Variants in SH3RF3 observed in about 807,000 individuals in gnomAD.
SH3RF3 encodes SH3 domain containing ring finger 3.
SH3RF3 carries 29 observed loss-of-function variants against 66.3 expected under a neutral mutation model. The ratio of observed to expected loss-of-function variants is 0.44; its 90% confidence interval spans 0.33 to 0.60. The LOEUF (loss-of-function observed/expected upper bound fraction) is 0.60. SH3RF3 is among the 20% of genes least tolerant of loss of function. The probability of loss-of-function intolerance (pLI) is 0.04; values close to 1 mark genes in which losing one functional copy is unlikely to be tolerated. For missense variants in SH3RF3, 1,194 were observed against 1,190.9 expected (o/e 1.00, Z -0.04); for synonymous variants, 583 against 532.0 (o/e 1.10, Z -1.32).
chr2:109,134,004 A>G (rs755863729), intron 1 of SH3RF3, among the ~76,000 whole-genome samples: 8 of 152,158 alleles, frequency 5.3e-5, no homozygotes, highest in Non-Finnish European at 7.3e-5. Context: ...GAGGGTGTCT[A>G]TGGTATCTGG....
At chr2:109,278,525 C>T (rs1464976850) in intron 1 of SH3RF3, among the ~76,000 whole-genome samples, 1 of 152,194 alleles carries the variant, frequency 6.6e-6, no homozygotes, top group East Asian at 1.9e-4. Flanking sequence ...GACAGCCAAC[C>T]CTGGGGTTAC....
chr2:109,299,311 T>A (rs1446546927), intron 1 of SH3RF3, among the ~76,000 whole-genome samples: 1 of 152,180 alleles, frequency 6.6e-6, no homozygotes, highest in Non-Finnish European at 1.5e-5. Flanking sequence ...CAGATGAAAA[T>A]TTGAAGCTTG....
intron 1 of SH3RF3, among the ~76,000 whole-genome samples, chr2:109,208,724 A>C (rs1377769578): frequency 2.6e-5 from 4 of 152,242 alleles, no homozygotes; most frequent in Admixed American, 6.5e-5. Context: ...TGCTGTGGGA[A>C]TATGCCAGTG....
At chr2:109,152,738 A>G (rs751346759) in intron 1 of SH3RF3, among the ~76,000 whole-genome samples, 5 of 152,164 alleles carry the variant, frequency 3.3e-5, no homozygotes, top group Non-Finnish European at 5.9e-5. Context: ...TTGAGTAGGC[A>G]TGGGCAGAGG....
At chr2:109,261,349 C>T (rs1423332472) in intron 1 of SH3RF3, among the ~76,000 whole-genome samples, 2 of 152,188 alleles carry the variant, frequency 1.3e-5, no homozygotes, top group Admixed American at 1.3e-4. Flanking sequence ...ACAGCAAGAG[C>T]TCTAGTTAAT....
chr2:109,350,414 G>A (rs570335502), intron 2 of SH3RF3, among the ~76,000 whole-genome samples: 1 of 152,306 alleles, frequency 6.6e-6, no homozygotes, highest in East Asian at 1.9e-4. Flanking sequence ...AATCCTGTGA[G>A]TTAATGTGGA....
At chr2:109,229,793 T>C (rs1679454017) in intron 1 of SH3RF3, among the ~76,000 whole-genome samples, 1 of 151,814 alleles carries the variant, frequency 6.6e-6, no homozygotes, top group Admixed American at 6.6e-5. Flanking sequence ...TGTTTTGGTA[T>C]GTGTTTAGAT....
At chr2:109,364,075 T>C (rs1683108399) in intron 2 of SH3RF3, among the ~76,000 whole-genome samples, 1 of 152,114 alleles carries the variant, frequency 6.6e-6, no homozygotes, top group Non-Finnish European at 1.5e-5. Context: ...TTTCTTCTCC[T>C]TCTAGTATTC....
chr2:109,206,675 G>A (rs373889036), intron 1 of SH3RF3, among the ~76,000 whole-genome samples: 5 of 152,012 alleles, frequency 3.3e-5, no homozygotes, highest in South Asian at 2.1e-4. Context: ...AATTAGCTGG[G>A]CATATTAGTG....
chr2:109,169,154 A>G lies in SH3RF3; in HGVS notation c.573+39041A>G, dbSNP rs149366906. Among the ~76,000 whole-genome samples the G allele has an allele frequency of 2.1e-3, 317 of 152,322 alleles. 1 individual carries two copies. Among genetic ancestry groups the G allele is most frequent in the African/African-American group, 7.1e-3 (296 of 41,580 alleles). On this transcript the variant is annotated intron_variant, in intron 1 of 9. Transcript: ENST00000309415. ...AGTTGTAAGGCCCACATCTCGTCAT[A>G]TGTACTATTTAATAATACTGAGTTG...
intron 1 of SH3RF3, among the ~76,000 whole-genome samples, chr2:109,178,485 G>A (rs374010612): frequency 9.3e-4 from 141 of 152,284 alleles, no homozygotes; most frequent in African/African-American, 3.3e-3. Flanking sequence ...TACTTGGATA[G>A]TTTATATTCT....
chr2:109,170,235 TTCTTTTCTTTTCTCTTCTCTTCTC>T (rs1558938050), intron 1 of SH3RF3, among the ~76,000 whole-genome samples: 32 of 37,884 alleles, frequency 8.4e-4, no homozygotes, highest in African/African-American at 3.0e-3. Context: ...TTCTCTTCTC[TTCTTTTCTTTTCTCTTCTCTTCTC>T]TTCTCTTCTC....
At chr2:109,416,199 C>G (rs901882033) in intron 4 of SH3RF3, among the ~76,000 whole-genome samples, 8 of 152,204 alleles carry the variant, frequency 5.3e-5, no homozygotes, top group Non-Finnish European at 1.2e-4. Flanking sequence ...ACAAGACTGC[C>G]TCATGCCTTT....
At chr2:109,247,149 A>C (rs1406864600) in intron 1 of SH3RF3, among the ~76,000 whole-genome samples, 1 of 152,198 alleles carries the variant, frequency 6.6e-6, no homozygotes, top group African/African-American at 2.4e-5. Flanking sequence ...GAGACATGAA[A>C]CATGGAGTTT....
intron 1 of SH3RF3, among the ~76,000 whole-genome samples, chr2:109,190,314 C>G (rs1161028093): frequency 1.3e-5 from 2 of 152,184 alleles, no homozygotes; most frequent in African/African-American, 4.8e-5. Context: ...GCTGGGATTA[C>G]AGGCATCTGC....
chr2:109,405,717 C>T (rs1676436228), intron 4 of SH3RF3, among the ~76,000 whole-genome samples: 1 of 152,230 alleles, frequency 6.6e-6, no homozygotes, highest in African/African-American at 2.4e-5. Context: ...CACCTTTCCA[C>T]CACCAAATCA....
chr2:109,285,643 G>T (rs1167315225), intron 1 of SH3RF3, among the ~76,000 whole-genome samples: 1 of 152,218 alleles, frequency 6.6e-6, no homozygotes, highest in African/African-American at 2.4e-5. Flanking sequence ...TGTCATCTGT[G>T]TCAGTCCTCT....
chr2:109,224,389 A>G (rs939401826), intron 1 of SH3RF3, among the ~76,000 whole-genome samples: 1 of 152,230 alleles, frequency 6.6e-6, no homozygotes, highest in Non-Finnish European at 1.5e-5. Flanking sequence ...TTAGTCCAAG[A>G]TTAAATCTGC....
intron 1 of SH3RF3, among the ~76,000 whole-genome samples, chr2:109,152,280 C>T (rs1666951418): frequency 6.6e-6 from 1 of 152,172 alleles, no homozygotes; most frequent in South Asian, 2.1e-4. Flanking sequence ...GGCATGTTCC[C>T]CTTGTTGTTG....
Sources: gnomAD v4.1 joint callset for allele counts (sites outside exome capture counted in the v4.1 genomes callset) on GRCh38, gnomAD v4.1.1 for gene constraint, MANE v1.5 for transcripts, NCBI Gene and HGNC (gene_info 2026-07-23, HGNC 2026-07-21) for gene names.